Variants in HECW1 observed in about 807,000 individuals in gnomAD.
HECW1 encodes E3 ubiquitin-protein ligase HECW1.
A neutral mutation model predicts 182.3 loss-of-function variants in HECW1; 61 were observed. That is an observed-to-expected ratio of 0.33 (90% CI 0.27 to 0.41). HECW1 has a LOEUF of 0.41. Ranked by LOEUF, HECW1 falls within the 10% of genes least tolerant of loss-of-function variation. The pLI is 1.00. For synonymous variants in HECW1, 859 were observed against 832.6 expected (o/e 1.03, Z -0.55); for missense variants, 1,739 against 2,108.9 (o/e 0.82, Z 3.44).
At chr7:43,161,027 C>T (rs1367822879) in intron 2 of HECW1, among the ~76,000 whole-genome samples, 1 of 151,826 alleles carries the variant, frequency 6.6e-6, no homozygotes, top group Non-Finnish European at 1.5e-5. Flanking sequence ...GGGATGTTGG[C>T]CCTGGGTGTG....
chr7:43,439,178 T>C (rs1232503943), intron 9 of HECW1: 5 of 152,202 alleles, frequency 3.3e-5, no homozygotes, highest in African/African-American at 1.2e-4. Flanking sequence ...GCACGGCCAC[T>C]GGCACGTAGT....
intron 2 of HECW1, among the ~76,000 whole-genome samples, chr7:43,189,065 G>A (rs1793661727): frequency 6.6e-6 from 1 of 152,184 alleles, no homozygotes; most frequent in South Asian, 2.1e-4. Flanking sequence ...TCTCACGGTT[G>A]AGTTGAATGC....
chr7:43,275,147 AAT>A (rs1802955204), intron 3 of HECW1, among the ~76,000 whole-genome samples: 1 of 152,212 alleles, frequency 6.6e-6, no homozygotes, highest in African/African-American at 2.4e-5. Context: ...ATATATTTAA[AAT>A]AGTGTAAAAT....
chr7:43,168,139 C>T (rs1290739728), intron 2 of HECW1, among the ~76,000 whole-genome samples: 3 of 152,188 alleles, frequency 2.0e-5, no homozygotes, highest in Non-Finnish European at 4.4e-5. Flanking sequence ...AGGGACTGGA[C>T]ATGTTTCACT....
Position 43,311,697 on chromosome 7 carries a change from G to A in HECW1, c.28-66G>A, listed in dbSNP as rs369668930. 7 of 1,460,974 alleles carry A rather than the reference G, an allele frequency of 4.8e-6. No homozygotes were observed. The East Asian group carries it at 9.1e-5, about 19-fold the overall frequency. The allele number at this position is 1,460,974 out of a possible 1,614,324, so 90.5% of individuals were successfully genotyped here. On this transcript the variant is annotated intron_variant, in intron 3 of 29. Transcript: ENST00000395891. Reference sequence around the variant, plus strand: ...GTCTCCCAGCACATCTTTCGTTTTCGTGTGATGACGGTGACTGAGTTGCCG... The same window carrying A: ...GTCTCCCAGCACATCTTTCGTTTTCATGTGATGACGGTGACTGAGTTGCCG...
At chr7:43,439,287 A>C (rs1183536013) in intron 9 of HECW1, 1 of 152,204 alleles carries the variant, frequency 6.6e-6, no homozygotes, top group Non-Finnish European at 1.5e-5. Flanking sequence ...CTGCACGAGG[A>C]AACAAGGCTT....
intron 5 of HECW1, among the ~76,000 whole-genome samples, chr7:43,328,161 A>G (rs1241277541): frequency 6.6e-6 from 1 of 152,048 alleles, no homozygotes; most frequent in Non-Finnish European, 1.5e-5. Context: ...TCTACAAAAA[A>G]TAAAAATTTA....
Position 43,479,724 on chromosome 7 carries a change from C to T in HECW1, c.3214C>T (p.Arg1072Ter). 6.2e-7 allele frequency: 1 copy of T among 1,614,064 alleles called. No individual in the cohort carries two copies. The highest frequency in any genetic ancestry group is 8.5e-7 in the Non-Finnish European group (1 of 1,179,988). The change falls in exon 17 of 30, where the codon CGA becomes TGA. Residue 1072 changes from arginine to a stop codon, truncating the protein, a stop_gained. Coordinates refer to ENST00000395891, the MANE Select transcript of HECW1 (RefSeq NM_015052.5). LOFTEE classifies it high-confidence loss of function. The stretch of plus-strand genomic sequence containing the variant: ...TCACCGACAGCACCTCCAGAGGCTC[C>T]GAAGTTACAGCGCTGGAGAGGTAAC... Reference protein sequence around the residue: ...LTHRQHLQRLRSYSAGEASEV... With the variant: ...LTHRQHLQRL
intron 2 of HECW1, among the ~76,000 whole-genome samples, chr7:43,171,836 C>T (rs1456544707): frequency 2.0e-5 from 3 of 152,006 alleles, no homozygotes; most frequent in African/African-American, 7.3e-5. Context: ...AAGTAAAATG[C>T]TTTTGGGGTC....
intron 2 of HECW1, among the ~76,000 whole-genome samples, chr7:43,214,292 G>A (rs368584075): frequency 6.6e-6 from 1 of 152,016 alleles, no homozygotes; most frequent in South Asian, 2.1e-4. Flanking sequence ...TGTGAAAGGA[G>A]ATTGTAACTG....
chr7:43,369,398 C>T (rs780742666), intron 6 of HECW1, among the ~76,000 whole-genome samples: 24 of 152,198 alleles, frequency 1.6e-4, no homozygotes, highest in South Asian at 6.2e-4. Flanking sequence ...GCGGAGGTTA[C>T]GGTGAGCCAA....
intron 2 of HECW1, among the ~76,000 whole-genome samples, chr7:43,128,364 A>T (rs768323914): frequency 1.3e-5 from 2 of 152,178 alleles, no homozygotes; most frequent in Non-Finnish European, 2.9e-5. Context: ...CATATGAAAA[A>T]TCCTAGGGCC....
intron 2 of HECW1, among the ~76,000 whole-genome samples, chr7:43,136,781 T>G (rs373863433): frequency 3.3e-5 from 5 of 152,134 alleles, no homozygotes; most frequent in African/African-American, 1.2e-4. Context: ...CATTAGCAAT[T>G]CCCAGTGCTG....
chr7:43,347,829 T>G (rs1394133781), intron 5 of HECW1, among the ~76,000 whole-genome samples: 2 of 152,214 alleles, frequency 1.3e-5, no homozygotes, highest in African/African-American at 4.8e-5. Context: ...ATTTATTGAC[T>G]TGCATATGTT....
rs183947039 is a variant in HECW1 at position 43,442,077 on chromosome 7, C to T, written c.945-452C>T. Among the ~76,000 whole-genome samples the T allele has an allele frequency of 2.0e-5, 3 of 152,362 alleles. No individual in the cohort carries two copies. In the East Asian group the frequency reaches 5.8e-4, roughly 29 times the overall value. ...GGCAGCAGCAGCAAGCCATAGCTCC[C>T]AGTCAGCCATGTGATCACAGGGTAA... On this transcript the variant is annotated intron_variant, in intron 9 of 29. Coordinates refer to ENST00000395891, the MANE Select transcript of HECW1 (RefSeq NM_015052.5).
At chr7:43,518,972 A>C (rs573551217) in intron 24 of HECW1, among the ~76,000 whole-genome samples, 19 of 152,174 alleles carry the variant, frequency 1.2e-4, no homozygotes, top group Non-Finnish European at 2.4e-4. Flanking sequence ...ATAAACTAAA[A>C]TTTTTAAAAC....
At chr7:43,164,062 G>A (rs967257962) in intron 2 of HECW1, among the ~76,000 whole-genome samples, 21 of 152,148 alleles carry the variant, frequency 1.4e-4, no homozygotes, top group Non-Finnish European at 2.4e-4. Context: ...CGAAGAGAGC[G>A]GTTGGAGGCC....
At chr7:43,520,484 GTTC>G (rs1405974914) in intron 24 of HECW1, among the ~76,000 whole-genome samples, 7 of 152,054 alleles carry the variant, frequency 4.6e-5, no homozygotes, top group Admixed American at 1.3e-4. Flanking sequence ...TGTTTCTTCT[GTTC>G]TTCTTCTCTC....
chr7:43,335,339 A>G (rs1045760308), intron 5 of HECW1, among the ~76,000 whole-genome samples: 1 of 152,226 alleles, frequency 6.6e-6, no homozygotes, highest in South Asian at 2.1e-4. Context: ...CTTGACACAT[A>G]TGAAGTGGTT....
Sources: allele counts gnomAD v4.1 joint callset (sites outside exome capture counted in the v4.1 genomes callset), GRCh38; gene constraint gnomAD v4.1.1; transcripts MANE v1.5; gene names NCBI Gene and HGNC (gene_info 2026-07-23, HGNC 2026-07-21).